Variants in XKR9 observed in about 807,000 individuals in gnomAD.
XKR9 encodes the protein XK-related protein 9.
In XKR9, 32 loss-of-function variants were observed where a neutral mutation model predicts 32.0. The observed-to-expected ratio is 1.00, with a 90% CI of 0.76 to 1.34. The LOEUF (loss-of-function observed/expected upper bound fraction) is 1.34, where lower values mean the gene tolerates loss of function less well. Among genes scored for constraint, XKR9 ranks in the 40% most tolerant of loss-of-function variants. The probability of loss-of-function intolerance (pLI) is 0.00; values close to 1 mark genes in which losing one functional copy is unlikely to be tolerated. For synonymous variants in XKR9, 168 were observed against 143.4 expected (o/e 1.17, Z -1.22); for missense variants, 546 against 429.7 (o/e 1.27, Z -2.39).
chr8:70,723,736 A>G (rs1402366711), intron 4 of XKR9, among the ~76,000 whole-genome samples: 1 of 152,054 alleles, frequency 6.6e-6, no homozygotes, highest in Non-Finnish European at 1.5e-5. Context: ...GCTCTACTGT[A>G]TGAGGTGTCT....
At chr8:70,700,006 G>C (rs567887007) in intron 3 of XKR9, among the ~76,000 whole-genome samples, 64 of 152,080 alleles carry the variant, frequency 4.2e-4, no homozygotes, top group Non-Finnish European at 8.5e-4. Context: ...TCTTCACGTA[G>C]TTCTCGAGCC....
chr8:70,673,275 T>G (rs1482079805), intron 1 of XKR9, among the ~76,000 whole-genome samples: 2 of 152,206 alleles, frequency 1.3e-5, no homozygotes, highest in Non-Finnish European at 2.9e-5. Context: ...TTTTTAAAAA[T>G]TAAACTTTCA....
At chr8:70,776,647 G>A (rs1433803445) in intron 2 of XKR9, among the ~76,000 whole-genome samples, 1 of 152,070 alleles carries the variant, frequency 6.6e-6, no homozygotes, top group South Asian at 2.1e-4. Context: ...GGAAAAGCCA[G>A]GTTCTCCTTG....
At chr8:70,861,224 G>A in the XKR9 span, among the ~76,000 whole-genome samples, 1 of 152,136 alleles carries the variant, frequency 6.6e-6, no homozygotes, top group Non-Finnish European at 1.5e-5. Flanking sequence ...GAATCTGGAG[G>A]CAGACTGCCT....
chr8:71,051,189 G>A, the XKR9 span, among the ~76,000 whole-genome samples: 1 of 152,104 alleles, frequency 6.6e-6, no homozygotes, highest in African/African-American at 2.4e-5. Context: ...GGCTTACTGT[G>A]TCATGTTAAG....
chr8:70,695,212 A>G (rs540183923), intron 3 of XKR9, among the ~76,000 whole-genome samples: 273 of 149,306 alleles, frequency 1.8e-3, no homozygotes, highest in Admixed American at 3.1e-3. Flanking sequence ...GTTTTAGGGT[A>G]CATGTGTGCA....
intron 4 of XKR9, among the ~76,000 whole-genome samples, chr8:70,728,664 A>T (rs11989553): frequency 0.4 from 61,309 of 152,014 alleles, 13,908 homozygotes; most frequent in Non-Finnish European, 0.52. Context: ...GTACTATAGT[A>T]TTTTCTTTTG....
the XKR9 span, among the ~76,000 whole-genome samples, chr8:70,808,857 C>T: frequency 6.6e-6 from 1 of 152,212 alleles, no homozygotes; most frequent in Non-Finnish European, 1.5e-5. Flanking sequence ...TCTGTAGACT[C>T]CACCACTGGG....
intron 2 of XKR9, among the ~76,000 whole-genome samples, chr8:70,782,789 C>T (rs946529496): frequency 2.0e-5 from 3 of 152,028 alleles, no homozygotes; most frequent in Non-Finnish European, 2.9e-5. Flanking sequence ...TATCCTACTG[C>T]GTATGTAGAC....
intron 2 of XKR9, among the ~76,000 whole-genome samples, chr8:70,760,566 A>T (rs182191856): frequency 1.5e-4 from 23 of 152,264 alleles, no homozygotes; most frequent in African/African-American, 5.5e-4. Context: ...GCATCAAGTG[A>T]TCCTCCTGCC....
downstream of XKR9, among the ~76,000 whole-genome samples, chr8:70,739,502 C>T (rs2130157137): frequency 6.6e-6 from 1 of 152,198 alleles, no homozygotes; most frequent in Non-Finnish European, 1.5e-5. Context: ...GAATTTGATC[C>T]TGTCATTATG....
At chr8:71,050,232 C>CAGAG in the XKR9 span, among the ~76,000 whole-genome samples, 37 of 97,594 alleles carry the variant, frequency 3.8e-4, no homozygotes, top group African/African-American at 9.4e-4. Flanking sequence ...TTATGCCTGG[C>CAGAG]AGAGATATAT....
chr8:70,935,559 C>T, the XKR9 span, among the ~76,000 whole-genome samples: 5 of 151,952 alleles, frequency 3.3e-5, no homozygotes, highest in African/African-American at 7.2e-5. Flanking sequence ...TCTTTTTAAT[C>T]ACTGACAATC....
chr8:70,714,784 A>G (rs772564660), intron 4 of XKR9, among the ~76,000 whole-genome samples: 15 of 152,066 alleles, frequency 9.9e-5, no homozygotes, highest in East Asian at 1.9e-4. Context: ...GGAGTTCTCT[A>G]TTTTCTTCAC....
intron 2 of XKR9, among the ~76,000 whole-genome samples, chr8:70,747,842 A>T (rs115952336): frequency 1.3e-5 from 2 of 152,184 alleles, no homozygotes; most frequent in South Asian, 2.1e-4. Flanking sequence ...GATGACATTT[A>T]TGAGTCATTT....
At chr8:70,876,334 C>T in the XKR9 span, among the ~76,000 whole-genome samples, 1 of 150,750 alleles carries the variant, frequency 6.6e-6, no homozygotes, top group South Asian at 2.1e-4. Flanking sequence ...CAATTCTCCT[C>T]CTGAGTAGCT....
chr8:70,899,549 C>A, the XKR9 span, among the ~76,000 whole-genome samples: 1 of 151,914 alleles, frequency 6.6e-6, no homozygotes, highest in Non-Finnish European at 1.5e-5. Context: ...GTAAAACTCA[C>A]CCCTATTGCA....
At chr8:71,029,605 C>A in the XKR9 span, among the ~76,000 whole-genome samples, 1 of 152,012 alleles carries the variant, frequency 6.6e-6, no homozygotes, top group South Asian at 2.1e-4. Flanking sequence ...AATTTTTGTT[C>A]AAGAAAACCC....
At chr8:71,003,847 T>A in the XKR9 span, among the ~76,000 whole-genome samples, 19,582 of 152,218 alleles carry the variant, frequency 0.13, 1,636 homozygotes, top group African/African-American at 0.23. Flanking sequence ...CAAGAAGTAA[T>A]GTCCTCAGGA....
Sources: gnomAD v4.1 joint callset for allele counts (sites outside exome capture counted in the v4.1 genomes callset) on GRCh38, gnomAD v4.1.1 for gene constraint, MANE v1.5 for transcripts, NCBI Gene and HGNC (gene_info 2026-07-23, HGNC 2026-07-21) for gene names.